COMMD10: variants seen among roughly 807,000 people sequenced by gnomAD.
COMMD10 encodes COMM domain-containing protein 10.
COMMD10 carries 33 observed loss-of-function variants against 28.9 expected under a neutral mutation model. The observed-to-expected ratio is 1.14, with a 90% CI of 0.87 to 1.53. The LOEUF (loss-of-function observed/expected upper bound fraction) is 1.53, where lower values mean the gene tolerates loss of function less well. Among genes scored for constraint, COMMD10 ranks in the 40% most tolerant of loss-of-function variants. The pLI, the probability that COMMD10 is intolerant of heterozygous loss-of-function variation, is 0.00. For missense variants in COMMD10, 310 were observed against 233.4 expected (o/e 1.33, Z -2.14); for synonymous variants, 110 against 81.7 (o/e 1.35, Z -1.87).
intron 5 of COMMD10, among the ~76,000 whole-genome samples, chr5:116,170,174 A>G (rs944736952): frequency 4.6e-5 from 7 of 152,226 alleles, no homozygotes; most frequent in Non-Finnish European, 8.8e-5. Flanking sequence ...ACAAATCACA[A>G]GCATTCCTAT....
intron 5 of COMMD10, among the ~76,000 whole-genome samples, chr5:116,282,911 C>T (rs1261937495): frequency 6.6e-6 from 1 of 151,866 alleles, no homozygotes; most frequent in Non-Finnish European, 1.5e-5. Context: ...CAGACCATAA[C>T]AGAGCCTAAA....
At chr5:116,122,120 A>C (rs1440289097) in intron 4 of COMMD10, among the ~76,000 whole-genome samples, 1 of 152,222 alleles carries the variant, frequency 6.6e-6, no homozygotes, top group African/African-American at 2.4e-5. Flanking sequence ...TTTAGGTCTA[A>C]CATGTAAGTC....
At chr5:116,228,024 A>G (rs1428591520) in intron 5 of COMMD10, among the ~76,000 whole-genome samples, 1 of 152,016 alleles carries the variant, frequency 6.6e-6, no homozygotes, top group Non-Finnish European at 1.5e-5. Context: ...GGAGGTTAAA[A>G]TCTTTTATAG....
At chr5:116,168,019 A>G (rs1316589918) in intron 5 of COMMD10, among the ~76,000 whole-genome samples, 2 of 152,104 alleles carry the variant, frequency 1.3e-5, no homozygotes, top group Non-Finnish European at 2.9e-5. Context: ...AAATGCCCCA[A>G]TTAAAAGACA....
At chr5:116,163,496 A>G (rs1752989495) in intron 5 of COMMD10, among the ~76,000 whole-genome samples, 1 of 150,994 alleles carries the variant, frequency 6.6e-6, no homozygotes, top group Admixed American at 6.6e-5. Context: ...AGGCTGAGGC[A>G]GGGAATCACT....
chr5:116,280,848 A>G (rs1433602045), intron 5 of COMMD10, among the ~76,000 whole-genome samples: 1 of 151,858 alleles, frequency 6.6e-6, no homozygotes, highest in Non-Finnish European at 1.5e-5. Context: ...ATATTTAATA[A>G]ATGGTGCCTA....
At chr5:116,278,225 A>C (rs570178549) in intron 5 of COMMD10, among the ~76,000 whole-genome samples, 2 of 151,810 alleles carry the variant, frequency 1.3e-5, no homozygotes, top group East Asian at 3.9e-4. Context: ...TTAGCTGTCA[A>C]TGCTCTTTTC....
intron 5 of COMMD10, among the ~76,000 whole-genome samples, chr5:116,264,653 A>G (rs1750536488): frequency 6.6e-6 from 1 of 151,880 alleles, no homozygotes; most frequent in South Asian, 2.1e-4. Flanking sequence ...TGTGACTGTT[A>G]GGTCTGAGCA....
At chr5:116,169,190 C>G (rs527648726) in intron 5 of COMMD10, among the ~76,000 whole-genome samples, 45 of 152,160 alleles carry the variant, frequency 3.0e-4, no homozygotes, top group African/African-American at 1.0e-3. Context: ...CACAGAAATA[C>G]AAACTACCAT....
intron 5 of COMMD10, among the ~76,000 whole-genome samples, chr5:116,236,221 C>T (rs544238518): frequency 2.2e-4 from 34 of 151,904 alleles, no homozygotes; most frequent in Non-Finnish European, 4.1e-4. Context: ...AGAAATGATT[C>T]GGCTGGACCC....
intron 5 of COMMD10, among the ~76,000 whole-genome samples, chr5:116,257,117 G>C (rs758052471): frequency 2.0e-5 from 3 of 151,710 alleles, no homozygotes; most frequent in Non-Finnish European, 4.4e-5. Flanking sequence ...GAGAGATCAA[G>C]AAATGGGTCC....
At chr5:116,256,121 T>C (rs1250725550) in intron 5 of COMMD10, among the ~76,000 whole-genome samples, 1 of 151,752 alleles carries the variant, frequency 6.6e-6, no homozygotes, top group Non-Finnish European at 1.5e-5. Flanking sequence ...GATAAGTCTG[T>C]AATATTTTAC....
chr5:116,170,813 T>G (rs182798197), intron 5 of COMMD10, among the ~76,000 whole-genome samples: 367 of 152,254 alleles, frequency 2.4e-3, no homozygotes, highest in African/African-American at 8.0e-3. Context: ...ACCCCTTCCT[T>G]ACACCTTATA....
At chr5:116,248,577 T>G (rs1262040992) in intron 5 of COMMD10, among the ~76,000 whole-genome samples, 2 of 151,930 alleles carry the variant, frequency 1.3e-5, no homozygotes, top group Non-Finnish European at 2.9e-5. Context: ...TTGTTTTGTT[T>G]TAATACATTT....
At position 116,171,463 on chromosome 5, in the gene COMMD10, C is replaced by T. The variant is rs561761841; in HGVS notation, c.510+37285C>T. 1.1e-3 allele frequency among the ~76,000 whole-genome samples: 172 copies of T among 152,256 alleles called. 1 individual carries two copies. The highest frequency in any genetic ancestry group is 1.9e-3 in the Non-Finnish European group (132 of 68,022). ...GAACCAGAAATACCATTTGATACAG[C>T]AATCCCCTTACTGGGTATATACCCA... is the stretch of plus-strand genomic sequence containing the variant. On this transcript the variant is annotated intron_variant, in intron 5 of 6. Transcript: ENST00000274458.
chr5:116,292,923 A>G lies in COMMD10; in HGVS notation c.*434A>G. The G allele has an allele frequency of 2.5e-6, 1 of 396,220 alleles. No homozygotes were observed. The allele number at this position is 396,220 out of a possible 1,614,324, so 24.5% of individuals were successfully genotyped here. A position where few individuals can be genotyped will look rare whatever the true frequency, so the allele number is the denominator to read the frequency against. ...AATAAAATTAAGAAAATAGCCATAT[A>G]CAATCAAATACACTATGGCATTTTT... On this transcript the variant is annotated 3_prime_UTR_variant, in exon 7 of 7. Coordinates refer to ENST00000274458, the MANE Select transcript of COMMD10 (RefSeq NM_016144.4).
intron 5 of COMMD10, among the ~76,000 whole-genome samples, chr5:116,229,246 A>T (rs766722077): frequency 6.6e-6 from 1 of 152,054 alleles, no homozygotes; most frequent in Non-Finnish European, 1.5e-5. Flanking sequence ...GCAGACAGAC[A>T]CAGTAATGGC....
intron 5 of COMMD10, among the ~76,000 whole-genome samples, chr5:116,285,373 T>C (rs1751190454): frequency 1.3e-5 from 2 of 151,932 alleles, no homozygotes; most frequent in Admixed American, 6.6e-5. Context: ...GCCCTTGGCC[T>C]GCCACCCTTT....
intron 5 of COMMD10, among the ~76,000 whole-genome samples, chr5:116,222,917 A>G (rs1049235997): frequency 7.2e-5 from 11 of 151,946 alleles, no homozygotes; most frequent in African/African-American, 2.7e-4. Context: ...TGTCTTGAAC[A>G]CCTGACCTTG....
Sources: allele counts gnomAD v4.1 joint callset (sites outside exome capture counted in the v4.1 genomes callset), GRCh38; gene constraint gnomAD v4.1.1; transcripts MANE v1.5; gene names NCBI Gene and HGNC (gene_info 2026-07-23, HGNC 2026-07-21).